The following GALNT9 variants were observed in gnomAD, a reference collection of about 807,000 sequenced individuals.
GALNT9 encodes the protein polypeptide N-acetylgalactosaminyltransferase 9.
A neutral mutation model predicts 63.1 loss-of-function variants in GALNT9; 47 were observed. The observed-to-expected ratio is 0.75, with a 90% confidence interval of 0.59 to 0.95. The LOEUF (loss-of-function observed/expected upper bound fraction) is 0.95, where lower values mean the gene tolerates loss of function less well. GALNT9 is among the 40% of genes least tolerant of loss of function. The pLI is 0.00. For missense variants in GALNT9, 829 were observed against 874.8 expected (o/e 0.95, Z 0.66); for synonymous variants, 396 against 365.7 (o/e 1.08, Z -0.94).
At chr12:132,302,261 C>CACAG (rs1881325122) in intron 1 of GALNT9, among the ~76,000 whole-genome samples, 1 of 151,230 alleles carries the variant, frequency 6.6e-6, no homozygotes, top group Admixed American at 6.6e-5. Context: ...CACACACACA[C>CACAG]ACACACAGGA....
chr12:132,209,650 A>C (rs907054379), intron 6 of GALNT9, among the ~76,000 whole-genome samples: 2 of 152,150 alleles, frequency 1.3e-5, no homozygotes, highest in Admixed American at 1.3e-4. Context: ...TTTTATGCTC[A>C]TTATAATGCA....
At chr12:132,264,272 C>T (rs111899079) in intron 2 of GALNT9, among the ~76,000 whole-genome samples, 9,734 of 152,284 alleles carry the variant, frequency 0.064, 1,016 homozygotes, top group African/African-American at 0.22. Context: ...ACGCTGGCCA[C>T]GCGGAGAAGC....
intron 7 of GALNT9, 85 bp from the exon 8 acceptor site, chr12:132,201,346 G>C: frequency 1.1e-6 from 1 of 895,590 alleles, no homozygotes; most frequent in Non-Finnish European, 1.8e-6. Context: ...GGTCTCCAGG[G>C]ACCAAGTGCC....
intron 1 of GALNT9, among the ~76,000 whole-genome samples, chr12:132,313,080 C>T (rs1881870025): frequency 6.6e-6 from 1 of 151,006 alleles, no homozygotes; most frequent in African/African-American, 2.4e-5. Flanking sequence ...CACCCACTCA[C>T]CCACCCATCC....
chr12:132,267,929 GCACACACACACGCACTCACATA>G (rs1879701678), intron 2 of GALNT9, among the ~76,000 whole-genome samples: 1 of 128,112 alleles, frequency 7.8e-6, no homozygotes, highest in Non-Finnish European at 1.6e-5. Context: ...TCACACACAT[GCACACACACACGCACTCACATA>G]CAGTCACACA....
At chr12:132,270,954 G>A (rs1555240667) in intron 2 of GALNT9, among the ~76,000 whole-genome samples, 1 of 151,992 alleles carries the variant, frequency 6.6e-6, no homozygotes, top group East Asian at 1.9e-4. Flanking sequence ...GACAGCGAGG[G>A]GGAGAAAGGA....
chr12:132,305,382 C>T (rs1351879013), intron 1 of GALNT9, among the ~76,000 whole-genome samples: 2 of 36,044 alleles, frequency 5.5e-5, no homozygotes, highest in Admixed American at 3.0e-4. Flanking sequence ...CACCCTCACC[C>T]GGGCACATCC....
intron 2 of GALNT9, chr12:132,276,325 A>G (rs1880087395): frequency 6.5e-6 from 1 of 155,028 alleles, no homozygotes; most frequent in Admixed American, 6.5e-5. Flanking sequence ...TGATGAGGAA[A>G]GAAACCTGGT....
At chr12:132,227,202 G>A (rs1230183364) in intron 6 of GALNT9, among the ~76,000 whole-genome samples, 2 of 152,278 alleles carry the variant, frequency 1.3e-5, no homozygotes, top group East Asian at 1.9e-4. Flanking sequence ...TCAGATACAG[G>A]AAGAATCGTT....
In GALNT9 at chr12:132,265,253, G is replaced by T. The variant is rs1462461816; in HGVS notation, c.420-2628C>A. Reference sequence around the variant, plus strand: ...CCTTGTCCTCCTGCGCTCCTGCTGGGGATGAGGGAGAGGCCACGGGGAGAA... The same window carrying T: ...CCTTGTCCTCCTGCGCTCCTGCTGGTGATGAGGGAGAGGCCACGGGGAGAA... On this transcript the variant is annotated intron_variant, in intron 2 of 10. Transcript: ENST00000328957. The surrounding 1 kb of genome is among the most constrained non-coding windows in gnomAD (Gnocchi z 5.3). Among the ~76,000 whole-genome samples, 2 of 152,198 alleles carry T rather than the reference G, an allele frequency of 1.3e-5. No individual in the cohort carries two copies. The highest frequency in any genetic ancestry group is 4.8e-5 in the African/African-American group (2 of 41,450).
In GALNT9 at chr12:132,236,571, C is replaced by T. The variant is rs1448953356; in HGVS notation, c.1077+11339G>A. 1.3e-5 allele frequency among the ~76,000 whole-genome samples: 2 copies of T among 152,182 alleles called. No homozygotes were observed. The highest frequency in any genetic ancestry group is 4.8e-5 in the African/African-American group (2 of 41,434). On this transcript the variant is annotated intron_variant, in intron 6 of 10. Transcript: ENST00000328957. This position sits in a 1 kb window ranked among gnomAD's most constrained non-coding sequence, Gnocchi z 5.6. ...TCCCACCTTCTTTCCTTTCTTCTAT[C>T]TTTCCTTTCAAGCTCCAAACTTGCA...
At chr12:132,202,845 C>A (rs1474634347) in intron 7 of GALNT9, among the ~76,000 whole-genome samples, 1 of 152,050 alleles carries the variant, frequency 6.6e-6, no homozygotes, top group African/African-American at 2.4e-5. Context: ...TTGAGAAAAG[C>A]CAGAATTCAG....
rs1036875013 is a variant in GALNT9, at chr12:132,282,603, G to T, written c.419+3647C>A. Among the ~76,000 whole-genome samples the T allele has an allele frequency of 5.3e-5, 8 of 152,008 alleles. No homozygotes were observed. Among genetic ancestry groups the T allele is most frequent in the Admixed American group, 5.2e-4 (8 of 15,264 alleles). ...CAAGCTCTCCCCTCTTGATGATAAG[G>T]TTGCTGCAGCTCCCCCAGCTCCCAG... On this transcript the variant is annotated intron_variant, in intron 2 of 10. Transcript: ENST00000328957. This position sits in a 1 kb window ranked among gnomAD's most constrained non-coding sequence, Gnocchi z 4.5.
At position 132,196,786 on chromosome 12, in the gene GALNT9, G is replaced by A. The variant is rs1458665409; in HGVS notation, c.*321C>T. On this transcript the variant is annotated 3_prime_UTR_variant, in exon 11 of 11. Transcript: ENST00000328957. ...TTGGCCTCCCTATGGGGCGTGGGGG[G>A]CTGTGGTACATGCAGAGGCGGCGGC... 1 of 1,113,330 alleles carries A rather than the reference G, an allele frequency of 9.0e-7. No homozygotes were observed. Among genetic ancestry groups the A allele is most frequent in the Non-Finnish European group, 1.1e-6 (1 of 908,706 alleles). 69.0% of individuals were successfully genotyped at this position (1,113,330 alleles called of 1,614,324 possible).
rs1878668263 is a variant in GALNT9 at position 132,245,317 on chromosome 12, C to T, written c.1077+2593G>A. On this transcript the variant is annotated intron_variant, in intron 6 of 10. Transcript: ENST00000328957. The surrounding 1 kb of genome is among the most constrained non-coding windows in gnomAD (Gnocchi z 6.3). ...ATTAGCCGGGCATGGTGGCATGTGCCTGTGGTGCCACCTACTTGGGAGGCT... is the reference window on the plus strand; with the variant it reads ...ATTAGCCGGGCATGGTGGCATGTGCTTGTGGTGCCACCTACTTGGGAGGCT... Among the ~76,000 whole-genome samples the T allele has an allele frequency of 6.6e-6, 1 of 152,110 alleles. No homozygotes were observed. The highest frequency in any genetic ancestry group is 6.5e-5 in the Admixed American group (1 of 15,286).
intron 2 of GALNT9, among the ~76,000 whole-genome samples, chr12:132,268,451 G>A (rs1555240440): frequency 6.6e-6 from 1 of 152,174 alleles, no homozygotes; most frequent in Non-Finnish European, 1.5e-5. Context: ...TCCCTGGAAG[G>A]GAATAGAGGA....
At chr12:132,314,622 C>T (rs1285377201) in intron 1 of GALNT9, among the ~76,000 whole-genome samples, 2 of 152,216 alleles carry the variant, frequency 1.3e-5, no homozygotes, top group African/African-American at 4.8e-5. Flanking sequence ...CAAAGCAATC[C>T]CCTCTCCTGC....
intron 1 of GALNT9, among the ~76,000 whole-genome samples, chr12:132,293,091 C>A (rs1002654663): frequency 1.3e-5 from 2 of 152,168 alleles, no homozygotes; most frequent in African/African-American, 4.8e-5. Context: ...TTGAGCCTCA[C>A]CCCACAGTGG....
intron 5 of GALNT9, among the ~76,000 whole-genome samples, chr12:132,254,790 C>G (rs1026315508): frequency 5.5e-4 from 84 of 152,304 alleles, no homozygotes; most frequent in African/African-American, 1.9e-3. Flanking sequence ...CCGTAAGGAC[C>G]CAGCTCTAGA....
Sources: gnomAD v4.1 joint callset for allele counts (sites outside exome capture counted in the v4.1 genomes callset) on GRCh38, gnomAD v4.1.1 for gene constraint, Gnocchi (gnomAD v3.1) non-coding constraint, MANE v1.5 for transcripts, NCBI Gene and HGNC (gene_info 2026-07-23, HGNC 2026-07-21) for gene names.